NDST4: variants seen among roughly 807,000 people sequenced by gnomAD.
NDST4 encodes N-deacetylase and N-sulfotransferase 4, also known as N-heparan sulfate sulfotransferase 4.
Under a neutral mutation model 100.8 loss-of-function variants are expected in NDST4, and 63 were observed. That is an observed-to-expected ratio of 0.62 (90% CI 0.51 to 0.77). The LOEUF is 0.77. Ranked by LOEUF, NDST4 falls within the 30% of genes least tolerant of loss-of-function variation. The probability of loss-of-function intolerance (pLI) is 0.00; values close to 1 mark genes in which losing one functional copy is unlikely to be tolerated. For missense variants in NDST4, 943 were observed against 1,018.4 expected, an observed-to-expected ratio of 0.93 and a Z score of 1.01; for synonymous variants, 377 against 361.8, an observed-to-expected ratio of 1.04 and a Z score of -0.48.
At chr4:115,097,070 T>C (rs1729634004) in intron 1 of NDST4, among the ~76,000 whole-genome samples, 1 of 152,144 alleles carries the variant, frequency 6.6e-6, no homozygotes, top group African/African-American at 2.4e-5. Flanking sequence ...TCACAATTTA[T>C]GTTTTTTCTT....
intron 6 of NDST4, among the ~76,000 whole-genome samples, chr4:114,879,534 G>A (rs1388317212): frequency 6.6e-6 from 1 of 152,004 alleles, no homozygotes; most frequent in African/African-American, 2.4e-5. Flanking sequence ...GACATATTAT[G>A]TATTTGTTTG....
chr4:115,111,498 T>A (rs1729951084), intron 1 of NDST4, among the ~76,000 whole-genome samples: 1 of 151,636 alleles, frequency 6.6e-6, no homozygotes, highest in African/African-American at 2.4e-5. Flanking sequence ...GATAATATAT[T>A]TAAAATTACA....
chr4:115,101,222 A>G (rs939939454), intron 1 of NDST4, among the ~76,000 whole-genome samples: 1 of 152,114 alleles, frequency 6.6e-6, no homozygotes, highest in Non-Finnish European at 1.5e-5. Flanking sequence ...ATAAGGCATG[A>G]TAAGTGTAAT....
At chr4:115,021,374 T>C (rs1298975301) in intron 2 of NDST4, among the ~76,000 whole-genome samples, 1 of 147,348 alleles carries the variant, frequency 6.8e-6, no homozygotes, top group African/African-American at 2.7e-5. Flanking sequence ...ACATTCCATA[T>C]ATATATTCCA....
intron 4 of NDST4, among the ~76,000 whole-genome samples, 187 bp downstream of exon 4, chr4:114,970,243 C>T (rs1417052628): frequency 6.6e-6 from 1 of 152,008 alleles, no homozygotes; most frequent in East Asian, 1.9e-4. Flanking sequence ...CATAATGGTC[C>T]TTTACATATA....
intron 2 of NDST4, among the ~76,000 whole-genome samples, chr4:114,978,430 G>T (rs1399090117): frequency 6.6e-6 from 1 of 151,888 alleles, no homozygotes; most frequent in Admixed American, 6.6e-5. Flanking sequence ...TATAGTCAAT[G>T]GTTATCCAAG....
intron 2 of NDST4, among the ~76,000 whole-genome samples, chr4:115,051,480 T>C (rs548363150): frequency 6.6e-6 from 1 of 152,246 alleles, no homozygotes; most frequent in African/African-American, 2.4e-5. Flanking sequence ...AAACCCACTT[T>C]TTAATTTGCC....
intron 10 of NDST4, among the ~76,000 whole-genome samples, chr4:114,844,810 G>A (rs1370073293): frequency 6.6e-6 from 1 of 152,146 alleles, no homozygotes; most frequent in Non-Finnish European, 1.5e-5. Flanking sequence ...TGTAGATAGT[G>A]CTGCAATGCT....
intron 7 of NDST4, among the ~76,000 whole-genome samples, chr4:114,869,919 A>C (rs554314537): frequency 1.8e-4 from 28 of 152,266 alleles, no homozygotes; most frequent in African/African-American, 6.7e-4. Context: ...ATAAAGAGAA[A>C]CAAACAGTCT....
chr4:114,854,872 G>A (rs79772794), intron 7 of NDST4, among the ~76,000 whole-genome samples: 15 of 152,068 alleles, frequency 9.9e-5, no homozygotes, highest in Admixed American at 9.2e-4. Context: ...TTCCATAGTG[G>A]TTGTACTAAT....
At chr4:115,086,009 G>A (rs572530755) in intron 1 of NDST4, among the ~76,000 whole-genome samples, 1 of 152,214 alleles carries the variant, frequency 6.6e-6, no homozygotes, top group South Asian at 2.1e-4. Context: ...TGCTTATTCT[G>A]GGTCATGGTC....
intron 4 of NDST4, among the ~76,000 whole-genome samples, chr4:114,960,092 A>G (rs1244073736): frequency 6.6e-6 from 1 of 152,224 alleles, no homozygotes; most frequent in Non-Finnish European, 1.5e-5. Flanking sequence ...ACTTCTCAAT[A>G]GAAACTGTGG....
At chr4:115,051,706 A>G (rs1240766202) in intron 2 of NDST4, among the ~76,000 whole-genome samples, 3 of 152,116 alleles carry the variant, frequency 2.0e-5, no homozygotes, top group Admixed American at 2.0e-4. Flanking sequence ...GCTATTACGA[A>G]TAATGCAGTG....
chr4:114,989,277 A>G (rs1291086505), intron 2 of NDST4, among the ~76,000 whole-genome samples: 7 of 152,140 alleles, frequency 4.6e-5, no homozygotes, highest in Non-Finnish European at 1.0e-4. Flanking sequence ...CAGTATAATT[A>G]TTTTCTGTAT....
chr4:115,022,298 A>G (rs978362827), intron 2 of NDST4, among the ~76,000 whole-genome samples: 2 of 149,724 alleles, frequency 1.3e-5, no homozygotes, highest in Non-Finnish European at 2.9e-5. Context: ...ACATATATAT[A>G]TGTTCCACGT....
chr4:115,093,381 A>G (rs998079105), intron 1 of NDST4, among the ~76,000 whole-genome samples: 7 of 152,168 alleles, frequency 4.6e-5, no homozygotes, highest in Admixed American at 4.6e-4. Flanking sequence ...AGGCTGAGGC[A>G]GGAGAATGGC....
intron 4 of NDST4, among the ~76,000 whole-genome samples, chr4:114,963,310 T>G (rs1726305353): frequency 6.6e-6 from 1 of 152,150 alleles, no homozygotes; most frequent in Admixed American, 6.6e-5. Flanking sequence ...AACATTATGC[T>G]AAGTGAAAAA....
At chr4:115,104,335 G>A (rs1191351005) in intron 1 of NDST4, among the ~76,000 whole-genome samples, 2 of 152,058 alleles carry the variant, frequency 1.3e-5, no homozygotes, top group East Asian at 3.9e-4. Flanking sequence ...GGAGACAGAT[G>A]GTGGCCAGGA....
intron 6 of NDST4, among the ~76,000 whole-genome samples, chr4:114,926,408 G>A (rs1315343562): frequency 6.6e-6 from 1 of 152,016 alleles, no homozygotes; most frequent in Non-Finnish European, 1.5e-5. Context: ...AATAGCAACA[G>A]GAGTTCATAT....
Sources: allele counts gnomAD v4.1 joint callset (sites outside exome capture counted in the v4.1 genomes callset), GRCh38; gene constraint gnomAD v4.1.1; transcripts MANE v1.5; gene names NCBI Gene and HGNC (gene_info 2026-07-23, HGNC 2026-07-21).